The following TLK2 variants were observed in gnomAD, a reference collection of about 807,000 sequenced individuals.
TLK2 encodes serine/threonine-protein kinase tousled-like 2.
A neutral mutation model predicts 117.3 loss-of-function variants in TLK2; 6 were observed. The observed-to-expected ratio is 0.05, with a 90% CI of 0.03 to 0.10. The LOEUF is 0.10. Among genes scored for constraint, TLK2 ranks in the 10% least tolerant of loss-of-function variants. TLK2 has a pLI of 1.00. For missense variants in TLK2, 299 were observed against 901.2 expected, an observed-to-expected ratio of 0.33 and a Z score of 8.56; for synonymous variants, 257 against 316.7, an observed-to-expected ratio of 0.81 and a Z score of 2.00.
At chr17:62,476,724 T>TCTGA (rs1407345392), upstream of TLK2, among the ~76,000 whole-genome samples, 6 of 152,136 alleles carry the variant, frequency 3.9e-5, no homozygotes, top group African/African-American at 1.4e-4. Flanking sequence ...GCAAGACACC[T>TCTGA]CTGACTCCAT....
At position 62,612,297 on chromosome 17, in the gene TLK2, T is replaced by A. The variant is rs1465972041; in HGVS notation, c.2080-95T>A. Reference sequence around the variant, plus strand: ...AAGCCCCTTCTCTTTAGTTGATATTTGCTCTGGGCCCTGGCAGCCGATAGA... The same window carrying A: ...AAGCCCCTTCTCTTTAGTTGATATTAGCTCTGGGCCCTGGCAGCCGATAGA... On this transcript the variant is annotated intron_variant, in intron 21 of 21. Transcript: ENST00000346027. The A allele has an allele frequency of 1.5e-5, 20 of 1,366,460 alleles. No individual in the cohort carries two copies. The African/African-American group carries it at 2.8e-4, about 19-fold the overall frequency. 84.6% of individuals were successfully genotyped at this position (1,366,460 alleles called of 1,614,324 possible).
chr17:62,530,803 T>G (rs1411177297), intron 6 of TLK2, among the ~76,000 whole-genome samples: 1 of 152,210 alleles, frequency 6.6e-6, no homozygotes, highest in East Asian at 1.9e-4. Flanking sequence ...AGAGATTAAC[T>G]CTCTAGGTTT....
At chr17:62,476,729 C>T (rs2071055802), upstream of TLK2, among the ~76,000 whole-genome samples, 1 of 152,116 alleles carries the variant, frequency 6.6e-6, no homozygotes, top group Non-Finnish European at 1.5e-5. Flanking sequence ...ACACCTCTGA[C>T]TCCATTGAGT....
chr17:62,476,126 C>T (rs184534262), upstream of TLK2, among the ~76,000 whole-genome samples: 208 of 152,238 alleles, frequency 1.4e-3, no homozygotes, highest in Non-Finnish European at 2.1e-3. Context: ...AGTACAGGTA[C>T]GTACCACTAT....
intron 2 of TLK2, among the ~76,000 whole-genome samples, chr17:62,503,291 C>T (rs2145044027): frequency 6.6e-6 from 1 of 152,104 alleles, no homozygotes; most frequent in South Asian, 2.1e-4. Context: ...ATCTCCTGAC[C>T]CTGTGATCCG....
At chr17:62,523,025 A>T in intron 4 of TLK2, 109 bp from the exon 5 acceptor site, 1 of 1,154,208 alleles carries the variant, frequency 8.7e-7, no homozygotes, top group Non-Finnish European at 1.2e-6. Flanking sequence ...TAAAGCTGAC[A>T]CTTGGGTTTA....
chr17:62,499,944 A>T (rs952314337), intron 2 of TLK2, among the ~76,000 whole-genome samples: 4 of 152,186 alleles, frequency 2.6e-5, no homozygotes, highest in African/African-American at 9.6e-5. Context: ...AAAAGATTAG[A>T]ACAAAATTCT....
chr17:62,546,341 A>ATGGTTTTTTTTTTTTTT (rs1555628526), intron 7 of TLK2, among the ~76,000 whole-genome samples: 2 of 8,866 alleles, frequency 2.3e-4, no homozygotes, highest in Non-Finnish European at 8.2e-4. Flanking sequence ...GAGTTTGTTG[A>ATGGTTTTTTTTTTTTTT]TTGTTTTTTT....
chr17:62,595,848 G>A (rs2082438447), intron 16 of TLK2, among the ~76,000 whole-genome samples: 1 of 152,060 alleles, frequency 6.6e-6, no homozygotes, highest in African/African-American at 2.4e-5. Flanking sequence ...TTTAACCTAA[G>A]GGGTTTACAT....
intron 9 of TLK2, among the ~76,000 whole-genome samples, chr17:62,559,046 C>A (rs1235391111): frequency 2.0e-5 from 3 of 152,096 alleles, no homozygotes; most frequent in Non-Finnish European, 4.4e-5. Flanking sequence ...TCAGGACTTG[C>A]AAGTCAAATT....
At chr17:62,475,002 T>G (rs2071010751), upstream of TLK2, among the ~76,000 whole-genome samples, 2 of 152,268 alleles carry the variant, frequency 1.3e-5, no homozygotes, top group African/African-American at 4.8e-5. Flanking sequence ...GCAGAGATTG[T>G]GCCATTGCAC....
At chr17:62,506,477 G>T (rs543280547) in intron 2 of TLK2, among the ~76,000 whole-genome samples, 5 of 152,214 alleles carry the variant, frequency 3.3e-5, no homozygotes, top group African/African-American at 1.2e-4. Flanking sequence ...TAGGAATTTT[G>T]TTATACAGTT....
intron 15 of TLK2, among the ~76,000 whole-genome samples, chr17:62,583,241 C>T (rs951567682): frequency 2.0e-5 from 3 of 152,054 alleles, no homozygotes; most frequent in African/African-American, 7.2e-5. Flanking sequence ...TACAGGTGTG[C>T]ACCACCAAGC....
Position 62,499,556 on chromosome 17 carries a change from G to C in TLK2, c.81+18350G>C, listed in dbSNP as rs866928741. On this transcript the variant is annotated intron_variant, in intron 2 of 21. Coordinates refer to ENST00000346027, the MANE Select transcript of TLK2 (RefSeq NM_006852.6). ...AACTCAAGGAGCCATTTGTTGTATAGTATTATTTGTTTGCCAGGCAAGGTG... is the reference window on the plus strand; with the variant it reads ...AACTCAAGGAGCCATTTGTTGTATACTATTATTTGTTTGCCAGGCAAGGTG... Among the ~76,000 whole-genome samples the C allele has an allele frequency of 3.3e-5, 5 of 151,920 alleles. No individual in the cohort carries two copies. In the South Asian group the frequency reaches 1.0e-3, roughly 32 times the overall value.
rs1229904631 is a variant in TLK2, at chr17:62,539,043, A to C, written c.531+2706A>C. On this transcript the variant is annotated intron_variant, in intron 7 of 21. Transcript: ENST00000346027. Reference sequence around the variant, plus strand: ...CCTAGCAAATTGGCAAGGATTAATAAGTTTGATAGTTCTTGGTGTAGGTGA... The same window carrying C: ...CCTAGCAAATTGGCAAGGATTAATACGTTTGATAGTTCTTGGTGTAGGTGA... Among the ~76,000 whole-genome samples, 4 of 152,182 alleles carry C rather than the reference A, an allele frequency of 2.6e-5. No individual in the cohort carries two copies. The South Asian group carries it at 8.3e-4, about 32-fold the overall frequency.
At chr17:62,538,033 G>GTTTTTTTTTTTTT (rs57512334) in intron 7 of TLK2, among the ~76,000 whole-genome samples, 5 of 106,160 alleles carry the variant, frequency 4.7e-5, no homozygotes, top group Non-Finnish European at 7.4e-5. Flanking sequence ...TTAAATCTTT[G>GTTTTTTTTTTTTT]TTTTTTTTTT....
intron 2 of TLK2, among the ~76,000 whole-genome samples, chr17:62,482,074 G>C (rs977231932): frequency 6.6e-6 from 1 of 151,746 alleles, no homozygotes; most frequent in Non-Finnish European, 1.5e-5. Context: ...TCAGCCTCCT[G>C]AGTAGCTGGG....
chr17:62,517,461 C>T (rs1443962804), intron 2 of TLK2, among the ~76,000 whole-genome samples: 1 of 152,122 alleles, frequency 6.6e-6, no homozygotes, highest in Non-Finnish European at 1.5e-5. Flanking sequence ...GTGGCGCGAT[C>T]TCAGCTCACT....
intron 9 of TLK2, among the ~76,000 whole-genome samples, chr17:62,554,487 C>CAGG (rs2078699351): frequency 6.6e-6 from 1 of 152,076 alleles, no homozygotes; most frequent in Non-Finnish European, 1.5e-5. Context: ...GAGGCTGAGA[C>CAGG]AGGAGAATTG....
Sources: gnomAD v4.1 joint callset for allele counts (sites outside exome capture counted in the v4.1 genomes callset) on GRCh38, gnomAD v4.1.1 for gene constraint, MANE v1.5 for transcripts, NCBI Gene and HGNC (gene_info 2026-07-23, HGNC 2026-07-21) for gene names.